Variants in PITRM1 observed in about 807,000 individuals in gnomAD.
PITRM1 encodes pitrilysin metallopeptidase 1, also known as presequence protease, mitochondrial.
In PITRM1, 100 loss-of-function variants were observed where a neutral mutation model predicts 129.9. The ratio of observed to expected loss-of-function variants is 0.77; its 90% CI spans 0.65 to 0.91. PITRM1 has a LOEUF of 0.91. PITRM1 is among the 40% of genes least tolerant of loss of function. PITRM1 has a pLI of 0.00. For missense variants in PITRM1, 1,471 were observed against 1,318.3 expected, an observed-to-expected ratio of 1.12 and a Z score of -1.79; for synonymous variants, 591 against 508.8, an observed-to-expected ratio of 1.16 and a Z score of -2.17.
In PITRM1 at chr10:3,161,866, GAAGAA is replaced by G. The variant is rs1259898515; in HGVS notation, c.792-1541_792-1537del. On this transcript the variant is annotated intron_variant, in intron 7 of 26. Transcript: ENST00000224949. ...CAAGACTGGGGAAAAAAAAAAAAAA[GAAGAA>G]AAGAAAGAACTCTCTTCTCCATGTT... Among the ~76,000 whole-genome samples, 45 of 91,826 alleles carry G rather than the reference GAAGAA, an allele frequency of 4.9e-4. No individual in the cohort carries two copies. The South Asian group carries it at 0.012, about 24-fold the overall frequency. 60.2% of individuals were successfully genotyped at this position (91,826 alleles called of 152,430 possible). A position where few individuals can be genotyped will look rare whatever the true frequency, so the allele number is the denominator to read the frequency against.
At position 3,138,987 on chromosome 10, in the gene PITRM1, C is replaced by T; in HGVS notation, c.2834G>A (p.Gly945Glu). The change falls in exon 25 of 27, where the codon GGA (glycine) becomes GAA (glutamate). Residue 945 changes from glycine to glutamate, a missense_variant. Gly to Glu is a moderately conservative substitution (Grantham distance 98, BLOSUM62 -2). Transcript: ENST00000224949. ...GTCGATGTCTTGCTGTGTGAATTTT[C>T]CAGACTTAGCCCAGTCGACAGCCTT... ...FGKAVDWAKS[G>E]KFTQQDIDEA... 6.2e-7 allele frequency: 1 copy of T among 1,613,896 alleles called. No homozygotes were observed. The highest frequency in any genetic ancestry group is 8.5e-7 in the Non-Finnish European group (1 of 1,179,774).
rs1841313307 is a variant in PITRM1, at chr10:3,149,730, A to G, written c.1762T>C (p.Cys588Arg). 1 of 1,613,344 alleles carries G rather than the reference A, an allele frequency of 6.2e-7. No individual in the cohort carries two copies. Among genetic ancestry groups the G allele is most frequent in the East Asian group, 2.2e-5 (1 of 44,874 alleles). ...ACCATGCCATTGGTGGGCTGGGCGC[A>G]GTACTGAACAGGGATATCTCCAGCT... ...LTAGDIPVQY[C>R]AQPTNGMVYF... The change falls in exon 16 of 27, where the codon TGC becomes CGC. Residue 588 changes from cysteine to arginine, a missense_variant. Transcript: ENST00000224949.
In PITRM1 at chr10:3,160,104, C is replaced by A; in HGVS notation, c.918+100G>T. Reference sequence around the variant, plus strand: ...TTGAAAAGCTCTCCCATACTCTGTACCAAACATGACAGCATCTGAAATCCC... The same window carrying A: ...TTGAAAAGCTCTCCCATACTCTGTAACAAACATGACAGCATCTGAAATCCC... On this transcript the variant is annotated intron_variant, in intron 8 of 26. Coordinates refer to ENST00000224949, the MANE Select transcript of PITRM1 (RefSeq NM_014889.4). The A allele has an allele frequency of 7.3e-6, 10 of 1,369,832 alleles. No individual in the cohort carries two copies. In the South Asian group the frequency reaches 1.2e-4, roughly 16 times the overall value. The allele number at this position is 1,369,832 out of a possible 1,614,324, so 84.9% of individuals were successfully genotyped here.
intron 14 of PITRM1, among the ~76,000 whole-genome samples, 182 bp downstream of exon 14, chr10:3,155,409 T>A (rs3765100): frequency 0.15 from 23,047 of 152,284 alleles, 1,825 homozygotes; most frequent in Non-Finnish European, 0.18. Flanking sequence ...CGTTTCCTAC[T>A]GAGCTACACG....
intron 19 of PITRM1, 158 bp downstream of exon 19, chr10:3,147,414 G>A (rs1020348870): frequency 2.0e-6 from 2 of 980,004 alleles, no homozygotes; most frequent in East Asian, 2.4e-5. Flanking sequence ...GTACAAAGAG[G>A]AAGATGAGTC....
At chr10:3,150,373 T>C (rs1841390548) in intron 15 of PITRM1, among the ~76,000 whole-genome samples, 1 of 152,192 alleles carries the variant, frequency 6.6e-6, no homozygotes, top group Non-Finnish European at 1.5e-5. Context: ...ATCAGAGAGA[T>C]GTCAGCCTCG....
In PITRM1 at chr10:3,143,470, G is replaced by A; in HGVS notation, c.2564C>T (p.Thr855Ile). ...EPTFKPWQMK[T>I]HFLMPFPVNY... Reference sequence around the variant, plus strand: ...CACCGGGAAGGGCATCAGGAAGTGAGTCTTCATCTGCCAGGGCTTGAAGGT... The same window carrying A: ...CACCGGGAAGGGCATCAGGAAGTGAATCTTCATCTGCCAGGGCTTGAAGGT... Residue 855 changes from threonine to isoleucine, a missense_variant, in exon 23 of 27, where the codon ACT becomes ATT. Thr to Ile is a moderately conservative substitution (Grantham distance 89). Coordinates refer to ENST00000224949, the MANE Select transcript of PITRM1 (RefSeq NM_014889.4). The A allele has an allele frequency of 6.2e-7, 1 of 1,613,654 alleles. No homozygotes were observed. The highest frequency in any genetic ancestry group is 8.5e-7 in the Non-Finnish European group (1 of 1,179,562).
chr10:3,144,430 T>G, intron 21 of PITRM1, 64 bp from the exon 22 acceptor site: 2 of 928,318 alleles, frequency 2.2e-6, no homozygotes, highest in Non-Finnish European at 3.4e-6. Flanking sequence ...ATATAAGAAG[T>G]AACAGAGTTT....
rs771416668 is a variant in PITRM1 at position 3,160,270 on chromosome 10, T to G, written c.852A>C (p.Ala284=). Residue 284 remains alanine, a synonymous_variant, in exon 8 of 27, where the codon GCA becomes GCC. Transcript: ENST00000224949. ...EQHLKQIHEE[A]LSKFQKIEPS... ...GTTCAATTTTCTGGAATTTGCTCAGTGCTTCCTCGTGAATTTGTTTCAGAT... is the reference window on the plus strand; with the variant it reads ...GTTCAATTTTCTGGAATTTGCTCAGGGCTTCCTCGTGAATTTGTTTCAGAT... The G allele has an allele frequency of 6.2e-7, 1 of 1,613,766 alleles. No individual in the cohort carries two copies. The highest frequency in any genetic ancestry group is 8.5e-7 in the Non-Finnish European group (1 of 1,179,644).
intron 16 of PITRM1, chr10:3,149,414 C>T (rs186041389): frequency 3.3e-5 from 15 of 451,176 alleles, no homozygotes; most frequent in African/African-American, 6.1e-5. Flanking sequence ...TATATTATAC[C>T]GTAGATTCAT....
At chr10:3,172,083 A>G (rs1049923306) in intron 1 of PITRM1, 1 of 399,656 alleles carries the variant, frequency 2.5e-6, no homozygotes, top group African/African-American at 2.1e-5. Context: ...TTACTTATCA[A>G]GGACATGATA....
intron 7 of PITRM1, 118 bp downstream of exon 7, chr10:3,163,607 G>A (rs946913261): frequency 1.1e-6 from 1 of 893,172 alleles, no homozygotes; most frequent in East Asian, 2.6e-5. Context: ...ATCTTACCTA[G>A]ACTTAGATAT....
At chr10:3,163,906 AATCAT>A (rs757532350) in intron 6 of PITRM1, 21 bp from the exon 7 acceptor site, 19 of 1,550,438 alleles carry the variant, frequency 1.2e-5, no homozygotes, top group Admixed American at 1.8e-5. Context: ...AAAATAAATA[AATCAT>A]AAGTATACAT....
chr10:3,158,037 C>CA lies in PITRM1; in HGVS notation c.1250+2dup. The CA allele has an allele frequency of 6.5e-7, 1 of 1,544,630 alleles. No individual in the cohort carries two copies. The highest frequency in any genetic ancestry group is 9.0e-7 in the Non-Finnish European group (1 of 1,116,118). On this transcript the variant is annotated splice_region_variant and intron_variant, in intron 11 of 26. Coordinates refer to ENST00000224949, the MANE Select transcript of PITRM1 (RefSeq NM_014889.4). ...CAGATTGTTACAAACAAGCTACACT[C>CA]ACTCAACTACTTCATCAATCGTTCT...
At chr10:3,165,792 C>A (rs1842811388) in intron 4 of PITRM1, among the ~76,000 whole-genome samples, 1 of 152,218 alleles carries the variant, frequency 6.6e-6, no homozygotes, top group Non-Finnish European at 1.5e-5. Flanking sequence ...TCTCAAGTTT[C>A]TCCAGAGACT....
chr10:3,150,679 T>C (rs959930231), intron 15 of PITRM1, among the ~76,000 whole-genome samples: 7 of 152,090 alleles, frequency 4.6e-5, no homozygotes, highest in Non-Finnish European at 8.8e-5. Context: ...GGGGGCACCC[T>C]GAGAACTCAA....
chr10:3,139,254 C>T (rs561619246), intron 24 of PITRM1, among the ~76,000 whole-genome samples: 1 of 152,200 alleles, frequency 6.6e-6, no homozygotes, highest in Non-Finnish European at 1.5e-5. Context: ...TCAACATGTT[C>T]TCCCTCTTAG....
intron 6 of PITRM1, 135 bp from the exon 7 acceptor site, chr10:3,164,020 G>C (rs1374471234): frequency 2.5e-5 from 9 of 365,354 alleles, no homozygotes; most frequent in Non-Finnish European, 3.7e-5. Context: ...TGTTCTAATG[G>C]TTTAAAAAAA....
intron 15 of PITRM1, among the ~76,000 whole-genome samples, chr10:3,150,216 G>A (rs1025287347): frequency 6.6e-6 from 1 of 152,122 alleles, no homozygotes; most frequent in Non-Finnish European, 1.5e-5. Flanking sequence ...CTCAAGGGGA[G>A]GGCTGGACAT....
Sources: gnomAD v4.1 joint callset for allele counts (sites outside exome capture counted in the v4.1 genomes callset) on GRCh38, gnomAD v4.1.1 for gene constraint, MANE v1.5 for transcripts, NCBI Gene and HGNC (gene_info 2026-07-23, HGNC 2026-07-21) for gene names.